The following ARSG variants were observed in gnomAD, a reference collection of about 807,000 sequenced individuals.
ARSG encodes arylsulfatase G.
Under a neutral mutation model 50.5 loss-of-function variants are expected in ARSG, and 37 were observed. The ratio of observed to expected loss-of-function variants is 0.73; its 90% CI spans 0.56 to 0.96. The LOEUF (loss-of-function observed/expected upper bound fraction) is 0.96, where lower values mean the gene tolerates loss of function less well. Among genes scored for constraint, ARSG ranks in the 50% least tolerant of loss-of-function variants. ARSG has a pLI of 0.00. For synonymous variants in ARSG, 225 were observed against 254.6 expected (o/e 0.88, Z 1.11); for missense variants, 629 against 675.3 (o/e 0.93, Z 0.76).
chr17:68,268,921 C>A, intron 1 of ARSG: 18 of 1,337,080 alleles, frequency 1.3e-5, no homozygotes, highest in Admixed American at 2.6e-5. Context: ...AAGCTTAAAA[C>A]AAAACAAAAC....
chr17:68,310,363 C>T (rs1555766297), intron 2 of ARSG, among the ~76,000 whole-genome samples: 3 of 152,100 alleles, frequency 2.0e-5, no homozygotes, highest in Admixed American at 6.5e-5. Flanking sequence ...GTCTGTGAGG[C>T]GTGGGAGATG....
chr17:68,303,777 A>G (rs1428088807), intron 1 of ARSG, among the ~76,000 whole-genome samples: 1 of 152,178 alleles, frequency 6.6e-6, no homozygotes, highest in Non-Finnish European at 1.5e-5. Flanking sequence ...CTTGAGCTCA[A>G]CGTTTGAGCT....
At chr17:68,370,420 A>G (rs1307719066) in intron 7 of ARSG, 24 bp from the exon 8 acceptor site, 3 of 1,613,286 alleles carry the variant, frequency 1.9e-6, no homozygotes, top group Non-Finnish European at 1.7e-6. Context: ...CCTGGTGACC[A>G]TTAATGCTTT....
intron 6 of ARSG, among the ~76,000 whole-genome samples, chr17:68,364,699 G>A (rs537749024): frequency 3.3e-5 from 5 of 152,254 alleles, no homozygotes; most frequent in South Asian, 4.2e-4. Context: ...TTCTATGCTG[G>A]TGCATAAACA....
chr17:68,382,606 A>G (rs538293984), intron 8 of ARSG, among the ~76,000 whole-genome samples: 2 of 152,352 alleles, frequency 1.3e-5, no homozygotes, highest in South Asian at 2.1e-4. Flanking sequence ...TGATATAAGC[A>G]TATGCATCTC....
In ARSG at chr17:68,313,999, G is replaced by A. The variant is rs142028236; in HGVS notation, c.218+6288G>A. Reference sequence around the variant, plus strand: ...TGGCCTACATATCTCTTTTTACTCCGCTTCTAACGCAGTCTATAATGTAGT... The same window carrying A: ...TGGCCTACATATCTCTTTTTACTCCACTTCTAACGCAGTCTATAATGTAGT... On this transcript the variant is annotated intron_variant, in intron 2 of 11. Transcript: ENST00000621439. Among the ~76,000 whole-genome samples the A allele has an allele frequency of 4.5e-3, 689 of 151,968 alleles. 8 individuals carry two copies. Among genetic ancestry groups the A allele is most frequent in the African/African-American group, 0.015 (625 of 41,450 alleles).
intron 8 of ARSG, among the ~76,000 whole-genome samples, chr17:68,373,988 T>C (rs2080005813): frequency 1.3e-5 from 2 of 151,558 alleles, no homozygotes; most frequent in African/African-American, 4.8e-5. Flanking sequence ...AAACCCCGTC[T>C]CTACTAAAAA....
chr17:68,430,203 C>A, the ARSG span: 1 of 1,567,492 alleles, frequency 6.4e-7, no homozygotes, highest in Non-Finnish European at 8.6e-7. Context: ...GGGCTGCAGG[C>A]CCCACACGCA....
At chr17:68,428,342 C>T in the ARSG span, 4 of 159,256 alleles carry the variant, frequency 2.5e-5, no homozygotes, top group African/African-American at 9.7e-5. Context: ...GATTCTCCCA[C>T]CTCAGCCTCC....
chr17:68,321,483 G>T (rs1555770543), intron 2 of ARSG, among the ~76,000 whole-genome samples: 2 of 152,180 alleles, frequency 1.3e-5, no homozygotes, highest in East Asian at 1.9e-4. Flanking sequence ...CGCAGCAAAA[G>T]ATTTTAAAAA....
intron 2 of ARSG, among the ~76,000 whole-genome samples, chr17:68,312,002 G>A (rs1315923718): frequency 1.3e-5 from 2 of 152,000 alleles, no homozygotes; most frequent in Admixed American, 6.6e-5. Flanking sequence ...GTTTCACCAT[G>A]TTGGCTAGGC....
intron 1 of ARSG, chr17:68,273,982 G>C: frequency 6.2e-7 from 1 of 1,614,078 alleles, no homozygotes; most frequent in Non-Finnish European, 8.5e-7. Flanking sequence ...AGAAGGAGGC[G>C]GCCACCATCC....
the ARSG span, among the ~76,000 whole-genome samples, chr17:68,429,400 G>C: frequency 1.3e-3 from 204 of 152,220 alleles, 1 homozygote; most frequent in African/African-American, 4.5e-3. Flanking sequence ...ATAGGAGTCC[G>C]AACCTAGAAA....
At chr17:68,333,316 C>T (rs763862568) in intron 2 of ARSG, among the ~76,000 whole-genome samples, 38 of 151,446 alleles carry the variant, frequency 2.5e-4, no homozygotes, top group Admixed American at 5.3e-4. Flanking sequence ...AGCGAGACTC[C>T]GTCTCAAAAA....
At chr17:68,433,612 G>C in the ARSG span, 1 of 1,553,886 alleles carries the variant, frequency 6.4e-7, no homozygotes, top group East Asian at 2.2e-5. Context: ...GTGAGCAAGA[G>C]AAATGGGAGT....
intron 6 of ARSG, among the ~76,000 whole-genome samples, chr17:68,360,178 A>G (rs537541767): frequency 9.2e-5 from 14 of 152,376 alleles, no homozygotes; most frequent in African/African-American, 2.9e-4. Flanking sequence ...AAAGGGGAAC[A>G]GTTTTGTTAA....
intron 1 of ARSG, among the ~76,000 whole-genome samples, chr17:68,260,509 A>T (rs1315437660): frequency 1.3e-5 from 2 of 152,180 alleles, no homozygotes; most frequent in East Asian, 1.9e-4. Flanking sequence ...TATTTTTGAA[A>T]TAGGGTCTTG....
At chr17:68,422,194 G>A (rs567667703), downstream of ARSG, 4 of 196,734 alleles carry the variant, frequency 2.0e-5, no homozygotes, top group South Asian at 1.8e-4. Context: ...TTGGGAGGCT[G>A]AGGTGGGTGG....
intron 1 of ARSG, among the ~76,000 whole-genome samples, chr17:68,299,127 CAG>C (rs2076318387): frequency 8.5e-6 from 1 of 117,580 alleles, no homozygotes; most frequent in South Asian, 2.7e-4. Flanking sequence ...TTTTTTGAGA[CAG>C]AGTCTCACTC....
Sources: allele counts gnomAD v4.1 joint callset (sites outside exome capture counted in the v4.1 genomes callset), GRCh38; gene constraint gnomAD v4.1.1; transcripts MANE v1.5; gene names NCBI Gene and HGNC (gene_info 2026-07-23, HGNC 2026-07-21).